SGSH: variants seen among roughly 807,000 people sequenced by gnomAD.
SGSH encodes heparan sulfate sulfatase.
In SGSH, 48 loss-of-function variants were observed where a neutral mutation model predicts 51.0. That is an observed-to-expected ratio of 0.94 (90% CI 0.75 to 1.20). SGSH has a LOEUF of 1.20. Ranked by LOEUF, SGSH falls within the 50% of genes most tolerant of loss-of-function variation. The pLI, the probability that SGSH is intolerant of heterozygous loss-of-function variation, is 0.00. For missense variants in SGSH, 662 were observed against 717.8 expected, an observed-to-expected ratio of 0.92 and a Z score of 0.89; for synonymous variants, 321 against 313.4, an observed-to-expected ratio of 1.02 and a Z score of -0.26.
downstream of SGSH, chr17:80,207,150 G>A (rs564357194): frequency 1.9e-5 from 22 of 1,166,316 alleles, no homozygotes; most frequent in Middle Eastern, 3.8e-4. Context: ...CAAAGCCCAC[G>A]GCAGGTGCCT....
At chr17:80,204,400 G>A, downstream of SGSH, 1 of 1,468,542 alleles carries the variant, frequency 6.8e-7, no homozygotes, top group Middle Eastern at 2.3e-4. Flanking sequence ...GGGGCTTTGG[G>A]AGCTGCTGCT....
At chr17:80,219,427 G>A (rs1176024322) in intron 1 of SGSH, among the ~76,000 whole-genome samples, 1 of 152,222 alleles carries the variant, frequency 6.6e-6, no homozygotes, top group Non-Finnish European at 1.5e-5. Flanking sequence ...CGCATAGCCT[G>A]GACTCTGACA....
At chr17:80,207,140 C>A, downstream of SGSH, 2 of 1,307,174 alleles carry the variant, frequency 1.5e-6, no homozygotes, top group Non-Finnish European at 2.2e-6. Flanking sequence ...TGGGCTCCCC[C>A]AAAGCCCACG....
At chr17:80,205,423 C>T, downstream of SGSH, 1 of 1,440,170 alleles carries the variant, frequency 6.9e-7, no homozygotes, top group Non-Finnish European at 9.4e-7. Flanking sequence ...CTAAGAAGAG[C>T]TTCTCCCAGT....
intron 4 of SGSH, 56 bp downstream of exon 4, chr17:80,214,559 G>C (rs868144603): frequency 1.3e-6 from 2 of 1,567,840 alleles, no homozygotes; most frequent in African/African-American, 2.7e-5. Flanking sequence ...GGAAGACTCC[G>C]GGCTGTGCTC....
chr17:80,219,354 A>C (rs973589057), intron 1 of SGSH, among the ~76,000 whole-genome samples: 1 of 152,104 alleles, frequency 6.6e-6, no homozygotes, highest in Non-Finnish European at 1.5e-5. Context: ...AACTGTGAGA[A>C]ATACATTTCT....
In SGSH at chr17:80,212,973, G is replaced by A. The variant is rs1227887876; in HGVS notation, c.746-699C>T. On this transcript the variant is annotated intron_variant, in intron 6 of 7. Coordinates refer to ENST00000326317, the MANE Select transcript of SGSH (RefSeq NM_000199.5). This position sits in a 1 kb window ranked among gnomAD's most constrained non-coding sequence, Gnocchi z 5.9. ...TGGGAGGCTGAGGTGGGCGGATCAC[G>A]AGGTCAGGAGTTCAAGACCAGCCTG... 12 of 155,940 alleles carry A rather than the reference G, an allele frequency of 7.7e-5. No homozygotes were observed. The highest frequency in any genetic ancestry group is 6.2e-4 in the Admixed American group (10 of 16,074). 9.7% of individuals were successfully genotyped at this position (155,940 alleles called of 1,614,324 possible). A position where few individuals can be genotyped will look rare whatever the true frequency, so the allele number is the denominator to read the frequency against.
chr17:80,217,015 C>T lies in SGSH; in HGVS notation c.249+17G>A, dbSNP rs376289127. 20 of 1,540,880 alleles carry T rather than the reference C, an allele frequency of 1.3e-5. No individual in the cohort carries two copies. The highest frequency in any genetic ancestry group is 7.2e-5 in the East Asian group (3 of 41,768). Reference sequence around the variant, plus strand: ...CTACTCCCTGCCCACCCCCTCCTCCCGCCCCTTGCACCTCACCTGGGGCAG... The same window carrying T: ...CTACTCCCTGCCCACCCCCTCCTCCTGCCCCTTGCACCTCACCTGGGGCAG... On this transcript the variant is annotated intron_variant, in intron 2 of 7. Coordinates refer to ENST00000326317, the MANE Select transcript of SGSH (RefSeq NM_000199.5).
Position 80,210,235 on chromosome 17 carries a change from CT to C in SGSH, c.*216del. ...GTCCCCTGCCATGACGGCAGTGCCC[CT>C]GGTGGTGGAGGGGCTGGGCACATGC... On this transcript the variant is annotated 3_prime_UTR_variant, in exon 8 of 8. Coordinates refer to ENST00000326317, the MANE Select transcript of SGSH (RefSeq NM_000199.5). 1 of 1,424,424 alleles carries C rather than the reference CT, an allele frequency of 7.0e-7. No individual in the cohort carries two copies. Among genetic ancestry groups the C allele is most frequent in the East Asian group, 2.5e-5 (1 of 39,596 alleles). The allele number at this position is 1,424,424 out of a possible 1,614,324, so 88.2% of individuals were successfully genotyped here.
chr17:80,207,143 A>T (rs751433862), downstream of SGSH: 217 of 1,260,954 alleles, frequency 1.7e-4, no homozygotes, highest in Non-Finnish European at 2.4e-4. Flanking sequence ...GCTCCCCCAA[A>T]GCCCACGGCA....
rs1281022554 is a variant in SGSH at position 80,210,471 on chromosome 17, G to A, written c.1490C>T (p.Pro497Leu). The A allele has an allele frequency of 1.3e-6, 2 of 1,598,360 alleles. No homozygotes were observed. Among genetic ancestry groups the A allele is most frequent in the Non-Finnish European group, 1.7e-6 (2 of 1,177,568 alleles). Residue 497 changes from proline to leucine, a missense_variant, in exon 8 of 8, where the codon CCC (proline) becomes CTC (leucine). By Grantham distance (98) the Pro-to-Leu change is moderately conservative (BLOSUM62 -3). Coordinates refer to ENST00000326317, the MANE Select transcript of SGSH (RefSeq NM_000199.5). ...LEEKLSPQCQ[P>L]LHNEL ...GGATGGTCACAGCTCATTGTGGAGG[G>A]GCTGGCACTGGGGAGAGAGCTTCTC...
At chr17:80,202,711 G>A (rs756143243), downstream of SGSH, 4 of 901,396 alleles carry the variant, frequency 4.4e-6, no homozygotes, top group Non-Finnish European at 4.6e-6. Flanking sequence ...CCCGTCTGTG[G>A]TGGGGCCGTC....
Position 80,216,949 on chromosome 17 carries a change from T to C in SGSH, c.249+83A>G, listed in dbSNP as rs1435745919. The C allele has an allele frequency of 3.0e-6, 4 of 1,326,530 alleles. No homozygotes were observed. In the African/African-American group the frequency reaches 4.4e-5, roughly 14 times the overall value. The allele number at this position is 1,326,530 out of a possible 1,614,324, so 82.2% of individuals were successfully genotyped here. On this transcript the variant is annotated intron_variant, in intron 2 of 7. Coordinates refer to ENST00000326317, the MANE Select transcript of SGSH (RefSeq NM_000199.5). ...GCAACACCCCCCGGGATCCCAGGGA[T>C]GGGAGACGTGGCAGAGGCCTGGGCC...
At chr17:80,218,606 G>A (rs1200432991) in intron 1 of SGSH, among the ~76,000 whole-genome samples, 1 of 152,218 alleles carries the variant, frequency 6.6e-6, no homozygotes, top group Admixed American at 6.5e-5. Flanking sequence ...GTGAGCACAT[G>A]GCAGCCACGT....
downstream of SGSH, chr17:80,204,272 G>T (rs774975851): frequency 1.9e-6 from 3 of 1,601,492 alleles, no homozygotes; most frequent in East Asian, 6.8e-5. Context: ...CGTCAGTATG[G>T]ACAAAGCCAA....
intron 1 of SGSH, among the ~76,000 whole-genome samples, chr17:80,218,815 A>G (rs1008039560): frequency 1.3e-5 from 2 of 152,154 alleles, no homozygotes; most frequent in African/African-American, 4.8e-5. Context: ...ATTAAGGGTA[A>G]ATGAATCATA....
At chr17:80,214,572 G>C in intron 4 of SGSH, 43 bp downstream of exon 4, 1 of 1,593,780 alleles carries the variant, frequency 6.3e-7, no homozygotes, top group Non-Finnish European at 8.6e-7. Flanking sequence ...CTGTGCTCTG[G>C]TACCGGCCGC....
At chr17:80,214,107 T>G (rs1567921788) in intron 5 of SGSH, 65 bp downstream of exon 5, 1 of 1,549,414 alleles carries the variant, frequency 6.5e-7, no homozygotes, top group Admixed American at 1.9e-5. Context: ...TGCAAGCTCG[T>G]AGGAGGCCAG....
At chr17:80,204,471 T>G, downstream of SGSH, 2 of 882,796 alleles carry the variant, frequency 2.3e-6, no homozygotes, top group Non-Finnish European at 3.4e-6. Flanking sequence ...TCTTCAAGAA[T>G]CATGGGGCTG....
Sources: allele counts gnomAD v4.1 joint callset (sites outside exome capture counted in the v4.1 genomes callset), GRCh38; gene constraint gnomAD v4.1.1; non-coding constraint Gnocchi (gnomAD v3.1); transcripts MANE v1.5; gene names NCBI Gene and HGNC (gene_info 2026-07-23, HGNC 2026-07-21).